Variants in B3GLCT observed in about 807,000 individuals in gnomAD.
The protein encoded by B3GLCT is beta-1,3-glucosyltransferase.
B3GLCT carries 65 observed loss-of-function variants against 63.4 expected under a neutral mutation model. The ratio of observed to expected loss-of-function variants is 1.03; its 90% CI spans 0.84 to 1.26. The LOEUF is 1.26. B3GLCT is among the 50% of genes most tolerant of loss of function. The pLI, the probability that B3GLCT is intolerant of heterozygous loss-of-function variation, is 0.00. For synonymous variants in B3GLCT, 233 were observed against 219.2 expected (o/e 1.06, Z -0.55); for missense variants, 577 against 604.8 (o/e 0.95, Z 0.48).
chr13:31,255,498 A>G (rs1871692814), intron 6 of B3GLCT, among the ~76,000 whole-genome samples: 1 of 152,220 alleles, frequency 6.6e-6, no homozygotes, highest in African/African-American at 2.4e-5. Context: ...AGCCAAGACA[A>G]TGCTAAGCAA....
At chr13:31,246,961 T>TTTG in intron 4 of B3GLCT, 62 bp from the exon 5 acceptor site, 1 of 1,088,590 alleles carries the variant, frequency 9.2e-7, no homozygotes, top group Non-Finnish European at 1.3e-6. Context: ...CTTTTTTTTT[T>TTTG]TTTTTACTTT....
chr13:31,225,565 G>T (rs1475485650), intron 3 of B3GLCT, among the ~76,000 whole-genome samples: 2 of 152,200 alleles, frequency 1.3e-5, no homozygotes, highest in African/African-American at 4.8e-5. Flanking sequence ...GGGCTGACTA[G>T]CATGTCAGTG....
At chr13:31,298,773 T>C (rs960606981) in intron 12 of B3GLCT, among the ~76,000 whole-genome samples, 1 of 152,222 alleles carries the variant, frequency 6.6e-6, no homozygotes, top group African/African-American at 2.4e-5. Context: ...GTTATGTAGG[T>C]GCAAAGCTAG....
intron 12 of B3GLCT, among the ~76,000 whole-genome samples, chr13:31,299,114 C>G (rs1874100102): frequency 6.6e-6 from 1 of 152,228 alleles, no homozygotes; most frequent in African/African-American, 2.4e-5. Context: ...TTCACCCCTT[C>G]TTCTCCAGAC....
At chr13:31,270,282 C>T (rs1232657694) in intron 8 of B3GLCT, among the ~76,000 whole-genome samples, 1 of 152,154 alleles carries the variant, frequency 6.6e-6, no homozygotes, top group Non-Finnish European at 1.5e-5. Context: ...TAATTCAGTC[C>T]AGCAGTGCTG....
At chr13:31,304,478 G>A (rs1235287439) in intron 12 of B3GLCT, among the ~76,000 whole-genome samples, 2 of 76,812 alleles carry the variant, frequency 2.6e-5, no homozygotes, top group Non-Finnish European at 5.2e-5. Context: ...AAAGGATGGA[G>A]GAAGATCTAC....
At chr13:31,265,988 G>A (rs926027894) in intron 7 of B3GLCT, among the ~76,000 whole-genome samples, 3 of 152,070 alleles carry the variant, frequency 2.0e-5, no homozygotes, top group Non-Finnish European at 2.9e-5. Flanking sequence ...TGTGCTATTG[G>A]GGGCATGACT....
At chr13:31,267,991 T>C (rs1018290973) in intron 7 of B3GLCT, among the ~76,000 whole-genome samples, 1 of 152,100 alleles carries the variant, frequency 6.6e-6, no homozygotes, top group Non-Finnish European at 1.5e-5. Context: ...AAGTGCACCA[T>C]GCTTGACTAA....
chr13:31,229,255 A>T lies in B3GLCT; in HGVS notation c.231A>T (p.Leu77Phe), dbSNP rs141154947. ...TTCATGCAAAGAGAGCAGAGCAGTT[A>T]AAAAAAAGCATCTTAAAGCAGGCTG... Reference protein sequence around the residue: ...NSFHAKRAEQLKKSILKQAAD... With the variant: ...NSFHAKRAEQFKKSILKQAAD... The change falls in exon 4 of 15, where the codon TTA (leucine) becomes TTT (phenylalanine). Residue 77 changes from leucine to phenylalanine, a missense_variant. By Grantham distance (22) the Leu-to-Phe change is conservative. Coordinates refer to ENST00000343307, the MANE Select transcript of B3GLCT (RefSeq NM_194318.4). The T allele has an allele frequency of 1.2e-6, 2 of 1,604,378 alleles. No individual in the cohort carries two copies. The highest frequency in any genetic ancestry group is 1.1e-5 in the South Asian group (1 of 90,816).
At chr13:31,276,851 T>C in intron 10 of B3GLCT, 80 bp downstream of exon 10, 1 of 1,109,254 alleles carries the variant, frequency 9.0e-7, no homozygotes, top group Non-Finnish European at 1.4e-6. Flanking sequence ...AATTCTTGAG[T>C]GTAAATTCAG....
intron 11 of B3GLCT, among the ~76,000 whole-genome samples, chr13:31,285,945 A>G (rs570023514): frequency 4.6e-5 from 7 of 152,336 alleles, no homozygotes; most frequent in African/African-American, 1.7e-4. Context: ...ACGTATTGTA[A>G]TGGTTAAAAA....
chr13:31,322,462 T>C (rs1875373588), intron 13 of B3GLCT, among the ~76,000 whole-genome samples: 1 of 152,258 alleles, frequency 6.6e-6, no homozygotes, highest in Non-Finnish European at 1.5e-5. Context: ...ATCTTTTTAA[T>C]GTTTAATAGT....
At chr13:31,312,937 A>G (rs1198249656) in intron 12 of B3GLCT, 1 of 152,236 alleles carries the variant, frequency 6.6e-6, no homozygotes, top group Non-Finnish European at 1.5e-5. Context: ...TGCCGAAAAC[A>G]GGATAGTGTT....
intron 8 of B3GLCT, among the ~76,000 whole-genome samples, chr13:31,273,014 T>C (rs923357882): frequency 6.6e-6 from 1 of 152,232 alleles, no homozygotes; most frequent in Non-Finnish European, 1.5e-5. Context: ...TGAAGCATGC[T>C]TACATCATGT....
intron 7 of B3GLCT, among the ~76,000 whole-genome samples, chr13:31,262,856 G>T (rs1391443530): frequency 6.6e-6 from 1 of 152,152 alleles, no homozygotes; most frequent in African/African-American, 2.4e-5. Context: ...AGTATAGAAA[G>T]ATTTGGTCTG....
chr13:31,280,145 G>T (rs1872995295), intron 10 of B3GLCT, among the ~76,000 whole-genome samples: 1 of 152,078 alleles, frequency 6.6e-6, no homozygotes, highest in Non-Finnish European at 1.5e-5. Flanking sequence ...GAAGATGACG[G>T]GATTAAGAGA....
At chr13:31,322,898 C>CA (rs1449340854) in intron 13 of B3GLCT, among the ~76,000 whole-genome samples, 1 of 152,168 alleles carries the variant, frequency 6.6e-6, no homozygotes, top group Non-Finnish European at 1.5e-5. Context: ...CACTCAGCCA[C>CA]AAAAAATGTG....
chr13:31,284,417 C>G (rs1873215893), intron 10 of B3GLCT, among the ~76,000 whole-genome samples: 1 of 152,152 alleles, frequency 6.6e-6, no homozygotes, highest in Non-Finnish European at 1.5e-5. Flanking sequence ...GTGCATTCAT[C>G]ACCAGGAATG....
intron 14 of B3GLCT, among the ~76,000 whole-genome samples, chr13:31,324,451 C>A (rs116477940): frequency 6.6e-6 from 1 of 152,128 alleles, no homozygotes; most frequent in East Asian, 1.9e-4. Flanking sequence ...TTACCAGGGA[C>A]GGGTAGTGCT....
Sources: allele counts gnomAD v4.1 joint callset (sites outside exome capture counted in the v4.1 genomes callset), GRCh38; gene constraint gnomAD v4.1.1; transcripts MANE v1.5; gene names NCBI Gene and HGNC (gene_info 2026-07-23, HGNC 2026-07-21).